The following BBOF1 variants were observed in gnomAD, a reference collection of about 807,000 sequenced individuals.
BBOF1 encodes the protein basal body-orientation factor 1.
A neutral mutation model predicts 68.0 loss-of-function variants in BBOF1; 62 were observed. The ratio of observed to expected loss-of-function variants is 0.91; its 90% CI spans 0.74 to 1.13. The LOEUF (loss-of-function observed/expected upper bound fraction) is 1.13, where lower values mean the gene tolerates loss of function less well. Ranked by LOEUF, BBOF1 falls within the 50% of genes most tolerant of loss-of-function variation. The pLI, the probability that BBOF1 is intolerant of heterozygous loss-of-function variation, is 0.00. For synonymous variants in BBOF1, 208 were observed against 198.8 expected (o/e 1.05, Z -0.39); for missense variants, 534 against 600.1 (o/e 0.89, Z 1.15).
At chr14:74,032,686 G>A (rs528190223) in intron 3 of BBOF1, among the ~76,000 whole-genome samples, 39 of 150,852 alleles carry the variant, frequency 2.6e-4, no homozygotes, top group Non-Finnish European at 4.9e-4. Context: ...TAGAAGTGGG[G>A]TTTCACAATG....
intron 5 of BBOF1, among the ~76,000 whole-genome samples, chr14:74,043,413 G>A (rs916987620): frequency 2.0e-5 from 3 of 149,492 alleles, no homozygotes; most frequent in Non-Finnish European, 4.5e-5. Flanking sequence ...AGCCGGGCGC[G>A]GTGGCGGGCG....
At chr14:74,072,062 A>G (rs1275567007) in intron 9 of BBOF1, 3 of 1,560,904 alleles carry the variant, frequency 1.9e-6, no homozygotes, top group Non-Finnish European at 2.6e-6. Context: ...AGACTGGAGG[A>G]GATGCAGTAC....
chr14:74,021,454 C>G (rs1366863690), intron 1 of BBOF1, among the ~76,000 whole-genome samples: 3 of 151,936 alleles, frequency 2.0e-5, no homozygotes, highest in African/African-American at 7.3e-5. Flanking sequence ...GTTGGGCATG[C>G]TAACTCATGC....
intron 6 of BBOF1, among the ~76,000 whole-genome samples, chr14:74,046,343 C>A (rs1233758486): frequency 6.6e-6 from 1 of 152,228 alleles, no homozygotes; most frequent in East Asian, 1.9e-4. Context: ...GTGGAAAGAT[C>A]CTGGGCTTTG....
chr14:74,074,848 GAA>G lies in BBOF1; in HGVS notation n.1380-3346_1380-3345del, dbSNP rs2060594946. On this transcript the variant is annotated intron_variant and non_coding_transcript_variant, in intron 9 of 12. Transcript: ENST00000492026. ...ATAATCCAAAAGGAGGAAAAAACTAGAAAGTTTCACATACACTCTGATGACAA... is the reference window on the plus strand; with the variant it reads ...ATAATCCAAAAGGAGGAAAAAACTAGAGTTTCACATACACTCTGATGACAA... The G allele has an allele frequency of 2.5e-6, 3 of 1,192,748 alleles. No individual in the cohort carries two copies. The South Asian group carries it at 3.9e-5, about 16-fold the overall frequency. The allele number at this position is 1,192,748 out of a possible 1,614,324, so 73.9% of individuals were successfully genotyped here.
At chr14:74,020,042 G>A (rs1207628573) in intron 1 of BBOF1, among the ~76,000 whole-genome samples, 1 of 152,190 alleles carries the variant, frequency 6.6e-6, no homozygotes, top group Non-Finnish European at 1.5e-5. Context: ...ACTTAAGAGA[G>A]TAATTCATGC....
Position 74,065,155 on chromosome 14 carries a change from ATC to A in BBOF1, c.*460_*461del. 1 of 1,612,428 alleles carries A rather than the reference ATC, an allele frequency of 6.2e-7. No individual in the cohort carries two copies. Among genetic ancestry groups the A allele is most frequent in the Non-Finnish European group, 8.5e-7 (1 of 1,178,626 alleles). ...TAGGAAATAGTAAATGGATATAAGA[ATC>A]TCTTAAAAATTCTGTTCACGAACCT... is the stretch of plus-strand genomic sequence containing the variant. On this transcript the variant is annotated 3_prime_UTR_variant, in exon 12 of 12. Transcript: ENST00000394009.
At chr14:74,058,941 A>C (rs988370310) in intron 11 of BBOF1, 5 of 152,988 alleles carry the variant, frequency 3.3e-5, no homozygotes, top group African/African-American at 1.2e-4. Context: ...AAAATTAGCC[A>C]GGCATGGTGG....
At chr14:74,067,012 T>G, downstream of BBOF1, 1 of 908,278 alleles carries the variant, frequency 1.1e-6, no homozygotes. Context: ...GCCCAGGAGT[T>G]CCAGACCAGC....
At chr14:74,074,726 T>C (rs1484982187) in intron 9 of BBOF1, among the ~76,000 whole-genome samples, 7 of 152,188 alleles carry the variant, frequency 4.6e-5, no homozygotes, top group Non-Finnish European at 1.0e-4. Context: ...CTAAAGGTCA[T>C]TAAGAAGAAG....
intron 9 of BBOF1, among the ~76,000 whole-genome samples, chr14:74,074,776 T>C (rs1410886774): frequency 6.6e-6 from 1 of 152,130 alleles, no homozygotes; most frequent in Non-Finnish European, 1.5e-5. Flanking sequence ...CTAGAAGCCA[T>C]GAAAATGTTT....
rs2060456334 is a variant in BBOF1, at chr14:74,065,954, G to T, written c.*1255G>T. Reference sequence around the variant, plus strand: ...GGCAAGAGATTTCATAATTTCTACTGCACTTACATTCAACACTTGATGATT... The same window carrying T: ...GGCAAGAGATTTCATAATTTCTACTTCACTTACATTCAACACTTGATGATT... On this transcript the variant is annotated 3_prime_UTR_variant, in exon 12 of 12. Coordinates refer to ENST00000394009, the MANE Select transcript of BBOF1 (RefSeq NM_025057.3). 1 of 156,726 alleles carries T rather than the reference G, an allele frequency of 6.4e-6. No individual in the cohort carries two copies. Among genetic ancestry groups the T allele is most frequent in the South Asian group, 1.9e-4 (1 of 5,260 alleles). 9.7% of individuals were successfully genotyped at this position (156,726 alleles called of 1,614,324 possible).
intron 4 of BBOF1, among the ~76,000 whole-genome samples, chr14:74,035,306 A>G (rs1379198168): frequency 1.3e-5 from 2 of 151,566 alleles, no homozygotes; most frequent in African/African-American, 2.4e-5. Context: ...TCAGTCATCT[A>G]TCTTAAGGCT....
At position 74,035,480 on chromosome 14, in the gene BBOF1, G is replaced by A. The variant is rs28450316; in HGVS notation, c.495+1309G>A. ...CACCCAGGCTGGAGTGCAGTGGCACGATCTCAGCTCACTGCAACCTCTGCC... is the reference window on the plus strand; with the variant it reads ...CACCCAGGCTGGAGTGCAGTGGCACAATCTCAGCTCACTGCAACCTCTGCC... On this transcript the variant is annotated intron_variant, in intron 4 of 11. Transcript: ENST00000394009. Among the ~76,000 whole-genome samples the A allele has an allele frequency of 8.3e-3, 1,167 of 141,042 alleles. 17 individuals carry two copies. Among genetic ancestry groups the A allele is most frequent in the African/African-American group, 0.029 (1,106 of 37,754 alleles). 92.5% of individuals were successfully genotyped at this position (141,042 alleles called of 152,430 possible).
chr14:74,076,513 C>T (rs1312591249), intron 9 of BBOF1, among the ~76,000 whole-genome samples: 2 of 152,074 alleles, frequency 1.3e-5, no homozygotes, highest in East Asian at 3.9e-4. Flanking sequence ...AGGTGTCTGC[C>T]ACCACGCCCA....
rs553257157 is a variant in BBOF1 at position 74,021,069 on chromosome 14, T to C, written c.56+1535T>C. ...TGTGGAGGGTGGCAGTATAGAAAGG[T>C]CCACATGTACATATGTGTGAAAATA... On this transcript the variant is annotated intron_variant, in intron 1 of 11. Transcript: ENST00000394009. 2.0e-5 allele frequency among the ~76,000 whole-genome samples: 3 copies of C among 152,214 alleles called. No individual in the cohort carries two copies. In the East Asian group the frequency reaches 5.8e-4, roughly 29 times the overall value.
chr14:74,081,345 T>C (rs1483680081), intron 12 of BBOF1: 1 of 152,202 alleles, frequency 6.6e-6, no homozygotes, highest in Non-Finnish European at 1.5e-5. Flanking sequence ...TTTGATATTG[T>C]TTCAGTACTC....
At position 74,043,769 on chromosome 14, in the gene BBOF1, G is replaced by T. The variant is rs552298566; in HGVS notation, c.577-2291G>T. On this transcript the variant is annotated intron_variant, in intron 5 of 11. Transcript: ENST00000394009. The stretch of plus-strand genomic sequence containing the variant: ...GCTGGTCTCGAACTCCTGACCTCAG[G>T]TGACCTGCCCGCTTCGGCCTCCCAA... Among the ~76,000 whole-genome samples the T allele has an allele frequency of 3.3e-5, 5 of 150,366 alleles. No individual in the cohort carries two copies. The East Asian group carries it at 1.1e-3, about 32-fold the overall frequency.
At chr14:74,024,909 T>C (rs1203131331) in intron 2 of BBOF1, among the ~76,000 whole-genome samples, 2 of 152,020 alleles carry the variant, frequency 1.3e-5, no homozygotes, top group Non-Finnish European at 2.9e-5. Flanking sequence ...GGTCCAGAAA[T>C]TTCTATCTTT....
Sources: gnomAD v4.1 joint callset for allele counts (sites outside exome capture counted in the v4.1 genomes callset) on GRCh38, gnomAD v4.1.1 for gene constraint, MANE v1.5 for transcripts, NCBI Gene and HGNC (gene_info 2026-07-23, HGNC 2026-07-21) for gene names.